MDGA2: variants seen among roughly 807,000 people sequenced by gnomAD.
The protein encoded by MDGA2 is MAM domain containing glycosylphosphatidylinositol anchor 2, also known as MAM domain-containing glycosylphosphatidylinositol anchor protein 2.
MDGA2 carries 40 observed loss-of-function variants against 117.8 expected under a neutral mutation model. That is an observed-to-expected ratio of 0.34 (90% CI 0.26 to 0.44). The LOEUF is 0.44. MDGA2 is among the 20% of genes least tolerant of loss of function. The pLI, the probability that MDGA2 is intolerant of heterozygous loss-of-function variation, is 1.00. For synonymous variants in MDGA2, 452 were observed against 439.0 expected, an observed-to-expected ratio of 1.03 and a Z score of -0.37; for missense variants, 1,123 against 1,250.6, an observed-to-expected ratio of 0.90 and a Z score of 1.54.
chr14:47,084,038 A>G (rs1489800018), intron 6 of MDGA2, among the ~76,000 whole-genome samples: 1 of 152,148 alleles, frequency 6.6e-6, no homozygotes, highest in Non-Finnish European at 1.5e-5. Context: ...ACCAATCAAC[A>G]AAGATATTAT....
chr14:47,105,258 C>T (rs1158982096), intron 5 of MDGA2, among the ~76,000 whole-genome samples: 2 of 152,106 alleles, frequency 1.3e-5, no homozygotes, highest in African/African-American at 4.8e-5. Flanking sequence ...GCACCCCAAC[C>T]TCTTATCTCT....
chr14:47,090,396 C>G (rs749999229), intron 6 of MDGA2, among the ~76,000 whole-genome samples: 3 of 150,794 alleles, frequency 2.0e-5, no homozygotes, highest in Non-Finnish European at 3.0e-5. Context: ...AAAAAAAATG[C>G]TGAAATAATT....
intron 1 of MDGA2, among the ~76,000 whole-genome samples, chr14:47,568,929 C>G (rs1233325514): frequency 6.6e-6 from 1 of 150,678 alleles, no homozygotes; most frequent in Non-Finnish European, 1.5e-5. Flanking sequence ...TCCCTCACAT[C>G]TTACTAAAAC....
chr14:47,027,228 G>C (rs1347551407), intron 8 of MDGA2, among the ~76,000 whole-genome samples: 1 of 151,884 alleles, frequency 6.6e-6, no homozygotes, highest in East Asian at 1.9e-4. Flanking sequence ...GGTTTCAAGG[G>C]GAGAAAATAT....
intron 1 of MDGA2, among the ~76,000 whole-genome samples, chr14:47,312,927 CAT>C (rs10672253): frequency 0.15 from 21,846 of 146,362 alleles, 1,809 homozygotes; most frequent in Middle Eastern, 0.22. Context: ...TATATATATA[CAT>C]ATATATATAT....
intron 8 of MDGA2, among the ~76,000 whole-genome samples, chr14:47,015,445 G>GT (rs1040953653): frequency 2.7e-5 from 4 of 150,432 alleles, no homozygotes; most frequent in Admixed American, 6.6e-5. Context: ...CTATCTTCAG[G>GT]TAAAAAAAAA....
intron 10 of MDGA2, among the ~76,000 whole-genome samples, chr14:46,889,260 T>G (rs1384623370): frequency 6.6e-6 from 1 of 152,084 alleles, no homozygotes; most frequent in Non-Finnish European, 1.5e-5. Flanking sequence ...TTCTTTACAT[T>G]CAGCAAGAAT....
At chr14:47,179,033 C>T (rs188268818) in intron 3 of MDGA2, among the ~76,000 whole-genome samples, 17 of 152,086 alleles carry the variant, frequency 1.1e-4, no homozygotes, top group East Asian at 3.9e-4. Flanking sequence ...GGTAGATAAC[C>T]GGTCTATATA....
At chr14:47,374,746 T>C (rs1437608141) in intron 1 of MDGA2, among the ~76,000 whole-genome samples, 1 of 152,118 alleles carries the variant, frequency 6.6e-6, no homozygotes, top group Non-Finnish European at 1.5e-5. Context: ...CGGATGAATG[T>C]TATTATTTAG....
chr14:47,212,761 A>G (rs1277831230), intron 3 of MDGA2, among the ~76,000 whole-genome samples: 1 of 152,150 alleles, frequency 6.6e-6, no homozygotes, highest in Non-Finnish European at 1.5e-5. Context: ...GGAACCTTGT[A>G]GTGTATTTGG....
chr14:46,998,782 T>G, intron 8 of MDGA2, among the ~76,000 whole-genome samples: 1 of 152,262 alleles, frequency 6.6e-6, no homozygotes, highest in South Asian at 2.1e-4. Flanking sequence ...ATGATTTTAT[T>G]TATATAATCT....
At chr14:47,291,620 G>T (rs142022695) in intron 2 of MDGA2, among the ~76,000 whole-genome samples, 23 of 152,250 alleles carry the variant, frequency 1.5e-4, no homozygotes, top group Non-Finnish European at 3.1e-4. Context: ...AAATCATCTG[G>T]ATACACAGTA....
intron 1 of MDGA2, among the ~76,000 whole-genome samples, chr14:47,386,546 T>C (rs939557188): frequency 1.3e-5 from 2 of 152,090 alleles, no homozygotes; most frequent in African/African-American, 2.4e-5. Flanking sequence ...CAGGAAATGG[T>C]AATATAAAAT....
chr14:47,538,874 T>C (rs746300659), intron 1 of MDGA2, among the ~76,000 whole-genome samples: 12 of 152,166 alleles, frequency 7.9e-5, no homozygotes, highest in Non-Finnish European at 1.8e-4. Flanking sequence ...ATATATATTA[T>C]ATAAATCAGG....
At chr14:47,537,683 A>G (rs1437022852) in intron 1 of MDGA2, among the ~76,000 whole-genome samples, 1 of 151,060 alleles carries the variant, frequency 6.6e-6, no homozygotes, top group Admixed American at 6.6e-5. Flanking sequence ...CATCAGAGAC[A>G]GATGGCTAAT....
intron 6 of MDGA2, among the ~76,000 whole-genome samples, chr14:47,070,325 GA>G (rs1232722291): frequency 2.0e-5 from 3 of 151,962 alleles, no homozygotes; most frequent in Non-Finnish European, 1.5e-5. Flanking sequence ...GACAAAACTT[GA>G]AAATTTAGAG....
chr14:47,065,103 G>A (rs10134228), intron 6 of MDGA2, among the ~76,000 whole-genome samples: 48,735 of 151,928 alleles, frequency 0.32, 8,552 homozygotes, highest in East Asian at 0.52. Flanking sequence ...ACCTTAAAAG[G>A]TACTTGTTTA....
intron 2 of MDGA2, among the ~76,000 whole-genome samples, chr14:47,253,043 G>C (rs1297699823): frequency 5.9e-5 from 9 of 152,148 alleles, no homozygotes; most frequent in Admixed American, 5.9e-4. Flanking sequence ...TTACTATCAT[G>C]AGAACAGCAT....
Position 47,079,727 on chromosome 14 carries a change from A to ATTT in MDGA2, c.1195+17124_1195+17126dup, listed in dbSNP as rs35801678. Reference sequence around the variant, plus strand: ...ATTTGTTTCAGCCGATTTTCTACTAATTTTTTTTTTTTTTTTTTTTTTGAG... The same window carrying ATTT: ...ATTTGTTTCAGCCGATTTTCTACTAATTTTTTTTTTTTTTTTTTTTTTTTTGAG... On this transcript the variant is annotated intron_variant, in intron 6 of 16. Transcript: ENST00000399232. Among the ~76,000 whole-genome samples the ATTT allele has an allele frequency of 8.1e-3, 648 of 80,012 alleles. 41 individuals carry two copies. The highest frequency in any genetic ancestry group is 0.024 in the Middle Eastern group (2 of 82). 52.5% of individuals were successfully genotyped at this position (80,012 alleles called of 152,430 possible). A position where few individuals can be genotyped will look rare whatever the true frequency, so the allele number is the denominator to read the frequency against.
Sources: allele counts gnomAD v4.1 joint callset (sites outside exome capture counted in the v4.1 genomes callset), GRCh38; gene constraint gnomAD v4.1.1; transcripts MANE v1.5; gene names NCBI Gene and HGNC (gene_info 2026-07-23, HGNC 2026-07-21).